RUNX3: variants seen among roughly 807,000 people sequenced by gnomAD.
RUNX3 encodes runt-related transcription factor 3.
RUNX3 carries 10 observed loss-of-function variants against 27.7 expected under a neutral mutation model. The observed-to-expected ratio is 0.36, with a 90% confidence interval of 0.22 to 0.61. The LOEUF (loss-of-function observed/expected upper bound fraction) is 0.61, where lower values mean the gene tolerates loss of function less well. Among genes scored for constraint, RUNX3 ranks in the 20% least tolerant of loss-of-function variants. The probability of loss-of-function intolerance (pLI) is 0.72; values close to 1 mark genes in which losing one functional copy is unlikely to be tolerated. For synonymous variants in RUNX3, 270 were observed against 269.2 expected (o/e 1.00, Z -0.03); for missense variants, 469 against 629.5 (o/e 0.75, Z 2.73).
rs202187723 is a variant in RUNX3 at position 24,902,516 on chromosome 1, G to A, written c.854C>T (p.Ser285Leu). 1.9e-6 allele frequency: 3 copies of A among 1,597,998 alleles called. No homozygotes were observed. The highest frequency in any genetic ancestry group is 2.2e-5 in the South Asian group (2 of 90,234). ...GCTGAGGCTGCTGATGCTCGTGCCCGAGGGCGTGGCGCTGTAGGGGAAGGC... is the reference window on the plus strand; with the variant it reads ...GCTGAGGCTGCTGATGCTCGTGCCCAAGGGCGTGGCGCTGTAGGGGAAGGC... ...SAAFPYSATPSGTSISSLSVA... is the reference protein window; with the variant it reads ...SAAFPYSATPLGTSISSLSVA... The change falls in exon 5 of 5, where the codon TCG (serine) becomes TTG (leucine). Residue 285 changes from serine to leucine, a missense_variant. By Grantham distance (145) the Ser-to-Leu change is moderately radical. This residue lies in a region of RUNX3 where 279 missense variants were observed against 343.0 expected (regional missense o/e 0.81). Coordinates refer to ENST00000308873, the MANE Select transcript of RUNX3 (RefSeq NM_004350.3). The surrounding 1 kb of genome is among the most constrained non-coding windows in gnomAD (Gnocchi z 9.2).
At chr1:24,910,992 C>A (rs1356482454) in intron 3 of RUNX3, among the ~76,000 whole-genome samples, 3 of 152,214 alleles carry the variant, frequency 2.0e-5, no homozygotes, top group African/African-American at 7.2e-5. Context: ...CTGACTGCTA[C>A]CCTGAGGAGG....
At chr1:24,928,919 C>A in intron 1 of RUNX3, 2 of 397,894 alleles carry the variant, frequency 5.0e-6, no homozygotes, top group Non-Finnish European at 9.9e-6. Flanking sequence ...GTTTTCGTTT[C>A]ATCTCGCTGC....
rs768855118 is a variant in RUNX3, at chr1:24,927,553, C to T, written c.439+21G>A. The T allele has an allele frequency of 8.1e-6, 13 of 1,613,042 alleles. No individual in the cohort carries two copies. Among genetic ancestry groups the T allele is most frequent in the South Asian group, 1.1e-5 (1 of 91,044 alleles). ...CCTGCCATTGCCAATGCTGAAATGG[C>T]GAGGCCTCCCTTCCACTTACCTCGC... On this transcript the variant is annotated intron_variant, in intron 2 of 4. Transcript: ENST00000308873. This position sits in a 1 kb window ranked among gnomAD's most constrained non-coding sequence, Gnocchi z 5.0.
intron 2 of RUNX3, among the ~76,000 whole-genome samples, chr1:24,959,389 G>T (rs976316093): frequency 6.6e-6 from 1 of 152,206 alleles, no homozygotes; most frequent in Non-Finnish European, 1.5e-5. Flanking sequence ...GGGGAGACGG[G>T]TGTGTGCAGG....
At chr1:24,949,989 G>A (rs1047809358) in intron 2 of RUNX3, among the ~76,000 whole-genome samples, 13 of 152,202 alleles carry the variant, frequency 8.5e-5, no homozygotes, top group Non-Finnish European at 1.3e-4. Context: ...CCCAGGAGCC[G>A]TTGCTCCCTC....
chr1:24,919,775 G>A (rs1640962701), intron 2 of RUNX3, among the ~76,000 whole-genome samples: 1 of 150,874 alleles, frequency 6.6e-6, no homozygotes, highest in Non-Finnish European at 1.5e-5. Context: ...GGTTCCACTA[G>A]CTGGAGATAG....
intron 2 of RUNX3, among the ~76,000 whole-genome samples, chr1:24,941,370 C>T (rs1641475752): frequency 6.6e-6 from 1 of 152,234 alleles, no homozygotes; most frequent in South Asian, 2.1e-4. Flanking sequence ...GTGCAGCAAC[C>T]TCACCCGAGG....
At chr1:24,941,839 C>T (rs940501657) in intron 2 of RUNX3, among the ~76,000 whole-genome samples, 3 of 152,176 alleles carry the variant, frequency 2.0e-5, no homozygotes, top group African/African-American at 2.4e-5. Flanking sequence ...TACAGCCAAA[C>T]GGAGCTAGAG....
intron 2 of RUNX3, among the ~76,000 whole-genome samples, chr1:24,940,072 T>TG (rs1179305153): frequency 2.0e-5 from 3 of 152,088 alleles, no homozygotes; most frequent in Non-Finnish European, 4.4e-5. Flanking sequence ...AGAGCAGGCT[T>TG]GGGGGGTAAG....
rs1486445806 is a variant in RUNX3 at position 24,902,347 on chromosome 1, G to A, written c.1023C>T (p.Tyr341=). 6.2e-7 allele frequency: 1 copy of A among 1,611,662 alleles called. No homozygotes were observed. Among genetic ancestry groups the A allele is most frequent in the African/African-American group, 1.3e-5 (1 of 74,934 alleles). Residue 341 remains tyrosine, a synonymous_variant, in exon 5 of 5, where the codon TAC becomes TAT. Coordinates refer to ENST00000308873, the MANE Select transcript of RUNX3 (RefSeq NM_004350.3). The surrounding 1 kb of genome is among the most constrained non-coding windows in gnomAD (Gnocchi z 9.2). ...TGCTGCCGGCCACCATGGAGAACTG[G>A]TAGGAGCCAGAGGATGTCCCGTAGT... ...HLYYGTSSGS[Y]QFSMVAGSSS...
intron 2 of RUNX3, among the ~76,000 whole-genome samples, chr1:24,926,746 C>T (rs1459755566): frequency 6.6e-6 from 1 of 152,142 alleles, no homozygotes; most frequent in South Asian, 2.1e-4. Context: ...AAGCTAGAGG[C>T]GGGCCTGGTG....
chr1:24,945,642 A>G (rs1054952044), intron 2 of RUNX3, among the ~76,000 whole-genome samples: 1 of 152,180 alleles, frequency 6.6e-6, no homozygotes, highest in Admixed American at 6.5e-5. Context: ...AGAGCCAGGC[A>G]ATTCCAGGCC....
At chr1:24,938,860 G>A (rs913526490) in intron 2 of RUNX3, among the ~76,000 whole-genome samples, 2 of 152,176 alleles carry the variant, frequency 1.3e-5, no homozygotes, top group African/African-American at 4.8e-5. Context: ...GAACCTGCCA[G>A]AGCCTTGATC....
intron 2 of RUNX3, among the ~76,000 whole-genome samples, chr1:24,956,996 C>CA (rs1641950496): frequency 6.6e-6 from 1 of 152,212 alleles, no homozygotes; most frequent in Non-Finnish European, 1.5e-5. Context: ...AGCTCCCCCC[C>CA]ACAGGGACTG....
intron 2 of RUNX3, among the ~76,000 whole-genome samples, chr1:24,951,214 A>AAAT (rs1250718728): frequency 2.7e-5 from 4 of 150,874 alleles, no homozygotes; most frequent in East Asian, 1.9e-4. Flanking sequence ...CAAAAAAAAA[A>AAAT]AAAAAAAAAT....
In RUNX3 at chr1:24,904,720, G is replaced by A. The variant is rs1640628351; in HGVS notation, c.704-2054C>T. Among the ~76,000 whole-genome samples, 1 of 152,092 alleles carries A rather than the reference G, an allele frequency of 6.6e-6. No homozygotes were observed. The highest frequency in any genetic ancestry group is 1.5e-5 in the Non-Finnish European group (1 of 67,992). ...GAGCTCACGCGGGCTGCAGGGCGCTGGGCTGGGCCTCCCTGGACCTGCCAC... is the reference window on the plus strand; with the variant it reads ...GAGCTCACGCGGGCTGCAGGGCGCTAGGCTGGGCCTCCCTGGACCTGCCAC... On this transcript the variant is annotated intron_variant, in intron 4 of 4. Transcript: ENST00000308873. This position sits in a 1 kb window ranked among gnomAD's most constrained non-coding sequence, Gnocchi z 5.7.
chr1:24,954,042 T>C (rs1641847616), intron 2 of RUNX3, among the ~76,000 whole-genome samples: 1 of 152,212 alleles, frequency 6.6e-6, no homozygotes, highest in Non-Finnish European at 1.5e-5. Flanking sequence ...CCTCCCAAAG[T>C]GTTGGGATTA....
chr1:24,964,138 G>A (rs1642191221), intron 2 of RUNX3, among the ~76,000 whole-genome samples: 1 of 152,198 alleles, frequency 6.6e-6, no homozygotes, highest in Non-Finnish European at 1.5e-5. Context: ...CTGAGCCCAG[G>A]TGGGGAGTCC....
At chr1:24,933,386 CAGCCTCCGGG>C (rs923878449), upstream of RUNX3, among the ~76,000 whole-genome samples, 4 of 152,214 alleles carry the variant, frequency 2.6e-5, no homozygotes, top group Admixed American at 2.6e-4. Context: ...GAGGGTGCTC[CAGCCTCCGGG>C]AGCCATCACT....
Sources: allele counts gnomAD v4.1 joint callset (sites outside exome capture counted in the v4.1 genomes callset), GRCh38; gene constraint gnomAD v4.1.1; regional missense constraint gnomAD v4.1.1; non-coding constraint Gnocchi (gnomAD v3.1); transcripts MANE v1.5; gene names NCBI Gene and HGNC (gene_info 2026-07-23, HGNC 2026-07-21).